Variants in UROS observed in about 807,000 individuals in gnomAD.
UROS encodes the protein uroporphyrinogen-III synthase.
In UROS, 18 loss-of-function variants were observed where a neutral mutation model predicts 33.0. That is an observed-to-expected ratio of 0.55 (90% CI 0.38 to 0.81). The LOEUF is 0.81. Among genes scored for constraint, UROS ranks in the 30% least tolerant of loss-of-function variants. UROS has a pLI of 0.00. For synonymous variants in UROS, 114 were observed against 121.1 expected (o/e 0.94, Z 0.38); for missense variants, 293 against 314.9 (o/e 0.93, Z 0.53).
At chr10:125,786,278 CTTTT>C (rs751762144), downstream of UROS, among the ~76,000 whole-genome samples, 1 of 138,538 alleles carries the variant, frequency 7.2e-6, no homozygotes, top group African/African-American at 2.6e-5. Context: ...GCACATGAAC[CTTTT>C]TTTTTTTTTT....
At chr10:125,791,169 A>C (rs1248464767) in intron 9 of UROS, among the ~76,000 whole-genome samples, 2 of 152,216 alleles carry the variant, frequency 1.3e-5, no homozygotes, top group African/African-American at 4.8e-5. Flanking sequence ...CCTGGGTTAA[A>C]AGTAGGCAAA....
intron 7 of UROS, chr10:125,796,920 A>G: frequency 1.1e-6 from 1 of 909,632 alleles, no homozygotes; most frequent in Non-Finnish European, 1.3e-6. Context: ...TAAAACAGCA[A>G]CCTATTGCCA....
downstream of UROS, among the ~76,000 whole-genome samples, chr10:125,786,908 C>T (rs1267090574): frequency 2.0e-5 from 3 of 152,232 alleles, no homozygotes; most frequent in African/African-American, 7.2e-5. Flanking sequence ...ACTCAGCCTT[C>T]ACGTTCTCAG....
Position 125,807,435 on chromosome 10 carries a change from C to T in UROS, c.372G>A (p.Lys124=). The change falls in exon 6 of 10, where the codon AAG becomes AAA. Residue 124 remains lysine (K), a synonymous_variant. Transcript: ENST00000368797. ...TACTGGAACAAATATATTCTGCAAG[C>T]TTTTCTGCATTTCCACAGGTTTCTC... The part of the protein sequence containing the change: ...TEGETCGNAE[K]LAEYICSRES... 1.2e-6 allele frequency: 2 copies of T among 1,614,120 alleles called. No individual in the cohort carries two copies. The highest frequency in any genetic ancestry group is 2.2e-5 in the South Asian group (2 of 91,086).
At chr10:125,805,952 T>C (rs1463394577) in intron 6 of UROS, among the ~76,000 whole-genome samples, 1 of 152,212 alleles carries the variant, frequency 6.6e-6, no homozygotes, top group Non-Finnish European at 1.5e-5. Context: ...AGCCCAGCAG[T>C]ATCTCTGCTG....
At position 125,788,726 on chromosome 10, in the gene UROS, C is replaced by A. The variant is rs1008514372; in HGVS notation, c.*142G>T. 14 of 1,440,748 alleles carry A rather than the reference C, an allele frequency of 9.7e-6. No homozygotes were observed. The Admixed American group carries it at 3.6e-4, about 37-fold the overall frequency. The allele number at this position is 1,440,748 out of a possible 1,614,324, so 89.2% of individuals were successfully genotyped here. ...GGCCAGCCCCAGGTCAGGTCCCGAT[C>A]CCCGGTCCTCAGGTGCTTCCACTCA... On this transcript the variant is annotated 3_prime_UTR_variant, in exon 10 of 10. Transcript: ENST00000368797.
At chr10:125,818,774 C>T (rs982110175) in intron 1 of UROS, among the ~76,000 whole-genome samples, 1 of 152,164 alleles carries the variant, frequency 6.6e-6, no homozygotes, top group African/African-American at 2.4e-5. Context: ...TGAGCCTCTC[C>T]ATTGTTGGCT....
At chr10:125,815,646 C>T (rs1853252634) in intron 3 of UROS, among the ~76,000 whole-genome samples, 1 of 152,188 alleles carries the variant, frequency 6.6e-6, no homozygotes, top group Non-Finnish European at 1.5e-5. Context: ...TGAATTTTCA[C>T]TCTGAAGCAT....
At chr10:125,821,384 A>C (rs756863225) in intron 1 of UROS, among the ~76,000 whole-genome samples, 6 of 152,258 alleles carry the variant, frequency 3.9e-5, no homozygotes, top group Non-Finnish European at 8.8e-5. Context: ...AATAGTCACA[A>C]AAGGAAGAAT....
In UROS at chr10:125,815,710, A is replaced by C. The variant is rs1488991822; in HGVS notation, c.147+467T>G. ...GCAATTTTTATCACTCCTCACTGGA[A>C]GAAGAACTGAAGTTGTGGGCAGAAG... On this transcript the variant is annotated intron_variant, in intron 3 of 9. Coordinates refer to ENST00000368797, the MANE Select transcript of UROS (RefSeq NM_000375.3). Among the ~76,000 whole-genome samples the C allele has an allele frequency of 3.9e-5, 6 of 152,204 alleles. No individual in the cohort carries two copies. The East Asian group carries it at 9.6e-4, about 24-fold the overall frequency.
At chr10:125,816,072 A>T in intron 3 of UROS, 105 bp downstream of exon 3, 1 of 1,170,160 alleles carries the variant, frequency 8.5e-7, no homozygotes, top group Non-Finnish European at 1.3e-6. Flanking sequence ...CATGTTTTAA[A>T]GTTTGGGAAT....
At chr10:125,804,567 T>G (rs1262343709) in intron 6 of UROS, among the ~76,000 whole-genome samples, 1 of 152,130 alleles carries the variant, frequency 6.6e-6, no homozygotes, top group Non-Finnish European at 1.5e-5. Flanking sequence ...ATCCAATACT[T>G]GTATCTAAAG....
rs118175032 is a variant in UROS at position 125,800,982 on chromosome 10, C to G, written c.395-2837G>C. Among the ~76,000 whole-genome samples the G allele has an allele frequency of 1.3e-3, 202 of 152,270 alleles. 4 individuals carry two copies. The South Asian group carries it at 0.027, about 20-fold the overall frequency. On this transcript the variant is annotated intron_variant, in intron 6 of 9. Coordinates refer to ENST00000368797, the MANE Select transcript of UROS (RefSeq NM_000375.3). ...ACCCAGATTTAGCTGAATTAAGGAG[C>G]AAAAAGTCCTGCATCAATGACACTG...
At chr10:125,822,520 G>A (rs1485231782) in intron 1 of UROS, among the ~76,000 whole-genome samples, 1 of 152,002 alleles carries the variant, frequency 6.6e-6, no homozygotes, top group East Asian at 1.9e-4. Context: ...ATGGGATTTC[G>A]CCATGTTGGG....
At chr10:125,814,799 T>C (rs1853152544) in intron 4 of UROS, among the ~76,000 whole-genome samples, 1 of 152,156 alleles carries the variant, frequency 6.6e-6, no homozygotes, top group African/African-American at 2.4e-5. Flanking sequence ...AGGGGATATA[T>C]CAGTCCCTAG....
At chr10:125,813,758 C>A (rs1176767106) in intron 4 of UROS, among the ~76,000 whole-genome samples, 1 of 152,246 alleles carries the variant, frequency 6.6e-6, no homozygotes, top group African/African-American at 2.4e-5. Context: ...GGATTACAGG[C>A]ATGAGCCACT....
intron 9 of UROS, 190 bp from the exon 10 acceptor site, chr10:125,789,195 C>G: frequency 7.0e-7 from 1 of 1,430,414 alleles, no homozygotes. Flanking sequence ...ACCTCTGCAT[C>G]CACGCTCTCA....
intron 4 of UROS, among the ~76,000 whole-genome samples, chr10:125,813,518 T>C (rs752193679): frequency 1.3e-5 from 2 of 152,106 alleles, no homozygotes; most frequent in African/African-American, 2.4e-5. Context: ...TACACATGCT[T>C]CCCCATCTAG....
At chr10:125,788,079 A>G (rs75302755), downstream of UROS, among the ~76,000 whole-genome samples, 80 of 152,328 alleles carry the variant, frequency 5.3e-4, 2 homozygotes, top group East Asian at 0.015. Flanking sequence ...CCTTTCAGCC[A>G]GATCTTTCAA....
Sources: allele counts gnomAD v4.1 joint callset (sites outside exome capture counted in the v4.1 genomes callset), GRCh38; gene constraint gnomAD v4.1.1; transcripts MANE v1.5; gene names NCBI Gene and HGNC (gene_info 2026-07-23, HGNC 2026-07-21).